The following EFCAB13 variants were observed in gnomAD, a reference collection of about 807,000 sequenced individuals.
EFCAB13 encodes EF-hand calcium-binding domain-containing protein 13.
Under a neutral mutation model 110.2 loss-of-function variants are expected in EFCAB13, and 91 were observed. That is an observed-to-expected ratio of 0.83 (90% CI 0.70 to 0.98). The LOEUF (loss-of-function observed/expected upper bound fraction) is 0.98, where lower values mean the gene tolerates loss of function less well. EFCAB13 is among the 50% of genes least tolerant of loss of function. The probability of loss-of-function intolerance (pLI) is 0.00; values close to 1 mark genes in which losing one functional copy is unlikely to be tolerated. For missense variants in EFCAB13, 968 were observed against 1,119.4 expected (o/e 0.86, Z 1.93); for synonymous variants, 323 against 369.9 (o/e 0.87, Z 1.45).
intron 4 of EFCAB13, among the ~76,000 whole-genome samples, chr17:47,330,797 T>C (rs2065315798): frequency 6.6e-6 from 1 of 152,082 alleles, no homozygotes; most frequent in Non-Finnish European, 1.5e-5. Context: ...ACAACTTTTT[T>C]TTCCCTTTGG....
chr17:47,410,603 A>G (rs1027018758), intron 21 of EFCAB13, among the ~76,000 whole-genome samples: 2 of 152,242 alleles, frequency 1.3e-5, no homozygotes, highest in Non-Finnish European at 2.9e-5. Context: ...GGTGAGACTC[A>G]AGGTACAATT....
At chr17:47,355,033 A>G (rs1268393676) in intron 9 of EFCAB13, among the ~76,000 whole-genome samples, 2 of 152,106 alleles carry the variant, frequency 1.3e-5, no homozygotes, top group African/African-American at 4.8e-5. Flanking sequence ...CAAGATTTAG[A>G]GCTCCTTTTA....
At chr17:47,350,273 C>G (rs533229315) in intron 9 of EFCAB13, among the ~76,000 whole-genome samples, 1 of 152,172 alleles carries the variant, frequency 6.6e-6, no homozygotes, top group South Asian at 2.1e-4. Context: ...CATTACAAAA[C>G]CTGGATTATA....
At chr17:47,395,177 A>G (rs1213088991) in intron 16 of EFCAB13, among the ~76,000 whole-genome samples, 1 of 152,158 alleles carries the variant, frequency 6.6e-6, no homozygotes, top group Non-Finnish European at 1.5e-5. Context: ...CAAAACTCTC[A>G]ACCCCGAATG....
Position 47,403,858 on chromosome 17 carries a change from A to C in EFCAB13, c.2018-20A>C, listed in dbSNP as rs1286439547. 1.3e-6 allele frequency: 2 copies of C among 1,576,780 alleles called. No individual in the cohort carries two copies. Among genetic ancestry groups the C allele is most frequent in the African/African-American group, 2.8e-5 (2 of 72,676 alleles). ...TGATGGCTACTGCTTTTTATTAATTAACTTTTTTTCTATTTATAGAGTTAC... is the reference window on the plus strand; with the variant it reads ...TGATGGCTACTGCTTTTTATTAATTCACTTTTTTTCTATTTATAGAGTTAC... On this transcript the variant is annotated intron_variant, in intron 18 of 24. Transcript: ENST00000331493.
chr17:47,344,396 A>G, intron 7 of EFCAB13, 104 bp downstream of exon 7: 1 of 1,326,064 alleles, frequency 7.5e-7, no homozygotes, highest in South Asian at 1.4e-5. Flanking sequence ...GAAGTAGTTT[A>G]TGCTAATTAT....
At position 47,335,376 on chromosome 17, in the gene EFCAB13, C is replaced by A; in HGVS notation, c.191+20C>A. On this transcript the variant is annotated intron_variant, in intron 5 of 24. Coordinates refer to ENST00000331493, the MANE Select transcript of EFCAB13 (RefSeq NM_152347.5). The stretch of plus-strand genomic sequence containing the variant: ...AAAAATGTAAGTTAAAAACTCTGAA[C>A]TTACTTTATTGAATTATACTTTTGC... 5 of 1,563,586 alleles carry A rather than the reference C, an allele frequency of 3.2e-6. No individual in the cohort carries two copies. Among genetic ancestry groups the A allele is most frequent in the Non-Finnish European group, 4.3e-6 (5 of 1,162,440 alleles).
intron 13 of EFCAB13, 58 bp from the exon 14 acceptor site, chr17:47,379,124 A>C (rs2065632016): frequency 7.6e-7 from 1 of 1,311,558 alleles, no homozygotes; most frequent in South Asian, 1.2e-5. Context: ...TAAAATGTAA[A>C]TTTGCCTTTA....
chr17:47,351,300 TGTGTGCGCGCGCGC>T (rs1010454723), intron 9 of EFCAB13, among the ~76,000 whole-genome samples: 4 of 110,588 alleles, frequency 3.6e-5, no homozygotes, highest in South Asian at 3.6e-4. Context: ...TGTGTGTGTG[TGTGTGCGCGCGCGC>T]GCGCGCGCGC....
chr17:47,423,894 G>A (rs1238729596), intron 23 of EFCAB13, among the ~76,000 whole-genome samples: 2 of 151,970 alleles, frequency 1.3e-5, no homozygotes, highest in African/African-American at 4.8e-5. Context: ...ACCCTGCTCC[G>A]GGACGAGCTG....
intron 4 of EFCAB13, chr17:47,329,075 A>G (rs1415896913): frequency 6.6e-6 from 1 of 152,202 alleles, no homozygotes; most frequent in Admixed American, 6.5e-5. Context: ...GAATGATTAG[A>G]TAAGTAGATT....
At position 47,374,796 on chromosome 17, in the gene EFCAB13, A is replaced by G. The variant is rs774349628; in HGVS notation, c.1202A>G (p.His401Arg). The G allele has an allele frequency of 1.1e-5, 18 of 1,614,000 alleles. No homozygotes were observed. Among genetic ancestry groups the G allele is most frequent in the Middle Eastern group, 1.6e-4 (1 of 6,080 alleles). ...FKKHSEKGEI[H>R]DSKSKPQSLK... is the part of the protein sequence containing the mutation. ...AAACATTCAGAGAAGGGTGAAATTC[A>G]TGACTCAAAGTCTAAACCACAAAGC... is the stretch of plus-strand genomic sequence containing the variant. Residue 401 changes from histidine to arginine, a missense_variant, in exon 12 of 25, where the codon CAT (histidine) becomes CGT (arginine). Transcript: ENST00000331493.
At chr17:47,423,639 G>A (rs1904806652) in intron 23 of EFCAB13, 1 of 377,278 alleles carries the variant, frequency 2.7e-6, no homozygotes, top group Non-Finnish European at 4.6e-6. Flanking sequence ...TCGCTTCTCT[G>A]GGTTCCAGGT....
chr17:47,418,437 G>T (rs990559569), intron 23 of EFCAB13, among the ~76,000 whole-genome samples: 1 of 152,048 alleles, frequency 6.6e-6, no homozygotes, highest in African/African-American at 2.4e-5. Context: ...TTAAAATCAG[G>T]CTTTTTATTG....
chr17:47,363,227 T>G (rs1361377356), intron 10 of EFCAB13, among the ~76,000 whole-genome samples: 2 of 152,154 alleles, frequency 1.3e-5, no homozygotes, highest in African/African-American at 2.4e-5. Flanking sequence ...TGCACCATCA[T>G]GCCAGGCTAA....
intron 12 of EFCAB13, among the ~76,000 whole-genome samples, chr17:47,375,524 G>A (rs1353696155): frequency 1.3e-5 from 2 of 151,618 alleles, no homozygotes; most frequent in Admixed American, 6.6e-5. Context: ...TTGAACTCCT[G>A]GCCCCAAGTA....
intron 9 of EFCAB13, 86 bp from the exon 10 acceptor site, chr17:47,361,292 T>C (rs1254924730): frequency 8.0e-7 from 1 of 1,249,524 alleles, no homozygotes; most frequent in Admixed American, 2.1e-5. Flanking sequence ...AAAGTTATTT[T>C]CCCTTAGTAG....
chr17:47,430,967 A>G (rs1326707951), intron 24 of EFCAB13, among the ~76,000 whole-genome samples: 2 of 151,984 alleles, frequency 1.3e-5, no homozygotes, highest in African/African-American at 4.8e-5. Context: ...CAATTCTTTT[A>G]TTTTTAATTT....
intron 2 of EFCAB13, among the ~76,000 whole-genome samples, chr17:47,325,861 T>C (rs2065279492): frequency 7.8e-6 from 1 of 127,778 alleles, no homozygotes; most frequent in Non-Finnish European, 1.8e-5. Flanking sequence ...TCTATTTTAT[T>C]ATTTCACTCC....
Sources: allele counts gnomAD v4.1 joint callset (sites outside exome capture counted in the v4.1 genomes callset), GRCh38; gene constraint gnomAD v4.1.1; transcripts MANE v1.5; gene names NCBI Gene and HGNC (gene_info 2026-07-23, HGNC 2026-07-21).